KCTD16: variants seen among roughly 807,000 people sequenced by gnomAD.
The protein encoded by KCTD16 is potassium channel tetramerization domain containing 16.
Under a neutral mutation model 33.2 loss-of-function variants are expected in KCTD16, and 13 were observed. The ratio of observed to expected loss-of-function variants is 0.39; its 90% CI spans 0.25 to 0.62. The LOEUF (loss-of-function observed/expected upper bound fraction) is 0.62, where lower values mean the gene tolerates loss of function less well. KCTD16 is among the 20% of genes least tolerant of loss of function. The pLI, the probability that KCTD16 is intolerant of heterozygous loss-of-function variation, is 0.50. For missense variants in KCTD16, 441 were observed against 525.1 expected (o/e 0.84, Z 1.57); for synonymous variants, 197 against 195.3 (o/e 1.01, Z -0.07).
At chr5:144,465,743 G>C (rs565536299) in intron 3 of KCTD16, among the ~76,000 whole-genome samples, 1 of 149,466 alleles carries the variant, frequency 6.7e-6, no homozygotes, top group Non-Finnish European at 1.5e-5. Flanking sequence ...AAATTCACAG[G>C]GTTCTGTAGC....
At chr5:144,205,388 A>G in intron 2 of KCTD16, 1 of 397,320 alleles carries the variant, frequency 2.5e-6, no homozygotes, top group East Asian at 3.6e-5. Flanking sequence ...CTGAAACAAC[A>G]GCATCCGAAC....
chr5:144,178,925 G>T (rs1032948433), intron 2 of KCTD16, among the ~76,000 whole-genome samples: 1 of 152,114 alleles, frequency 6.6e-6, no homozygotes, highest in Non-Finnish European at 1.5e-5. Context: ...TAGCTCTAAA[G>T]TTAACAAGAA....
chr5:144,411,779 A>C (rs147153167), intron 3 of KCTD16, among the ~76,000 whole-genome samples: 1 of 152,204 alleles, frequency 6.6e-6, no homozygotes, highest in Non-Finnish European at 1.5e-5. Context: ...ATTTGCAACT[A>C]TCCATCTGAC....
chr5:144,418,205 G>A (rs1405439263), intron 3 of KCTD16, among the ~76,000 whole-genome samples: 4 of 152,170 alleles, frequency 2.6e-5, no homozygotes, highest in Admixed American at 2.0e-4. Context: ...CAGACCCAAA[G>A]CATGAGCAGC....
intron 3 of KCTD16, among the ~76,000 whole-genome samples, chr5:144,215,828 T>C (rs188165678): frequency 1.3e-5 from 2 of 152,302 alleles, no homozygotes; most frequent in East Asian, 3.9e-4. Flanking sequence ...TTTTGAAAAC[T>C]TTTCCCAGTT....
At chr5:144,267,677 C>A (rs190930685) in intron 3 of KCTD16, among the ~76,000 whole-genome samples, 3 of 152,218 alleles carry the variant, frequency 2.0e-5, no homozygotes, top group Admixed American at 2.0e-4. Context: ...CAGAGGATCT[C>A]CTTGATCAAT....
intron 3 of KCTD16, among the ~76,000 whole-genome samples, chr5:144,403,834 C>G (rs1472223106): frequency 6.6e-6 from 1 of 152,174 alleles, no homozygotes; most frequent in South Asian, 2.1e-4. Flanking sequence ...TAAGTAGTAA[C>G]AAAGCATAAG....
chr5:144,220,310 C>T (rs1753702747), intron 3 of KCTD16, among the ~76,000 whole-genome samples: 1 of 152,198 alleles, frequency 6.6e-6, no homozygotes, highest in Admixed American at 6.5e-5. Context: ...TTGTTTCCAT[C>T]CTCGTACTGT....
intron 3 of KCTD16, among the ~76,000 whole-genome samples, chr5:144,450,345 G>A (rs1753913351): frequency 6.6e-6 from 1 of 151,998 alleles, no homozygotes; most frequent in Admixed American, 6.6e-5. Context: ...TTACACTGTT[G>A]GTGAAAGTGT....
chr5:144,408,169 G>T (rs180730965), intron 3 of KCTD16, among the ~76,000 whole-genome samples: 1 of 152,178 alleles, frequency 6.6e-6, no homozygotes, highest in Non-Finnish European at 1.5e-5. Flanking sequence ...TTTAAGAGAC[G>T]TTATTAAGAT....
At chr5:144,248,590 G>A (rs922755987) in intron 3 of KCTD16, among the ~76,000 whole-genome samples, 1 of 152,156 alleles carries the variant, frequency 6.6e-6, no homozygotes, top group African/African-American at 2.4e-5. Context: ...ATAGACTGTC[G>A]AGAGATGTGG....
At chr5:144,275,831 G>A (rs1232219966) in intron 3 of KCTD16, among the ~76,000 whole-genome samples, 1 of 152,094 alleles carries the variant, frequency 6.6e-6, no homozygotes, top group East Asian at 1.9e-4. Context: ...GCTTTCTTAA[G>A]AACAATGTGA....
At position 144,314,714 on chromosome 5, in the gene KCTD16, T is replaced by C. The variant is rs575623541; in HGVS notation, c.832+107168T>C. On this transcript the variant is annotated intron_variant, in intron 3 of 3. Coordinates refer to ENST00000512467, the MANE Select transcript of KCTD16 (RefSeq NM_020768.4). ...TAGGGACTTCATTATTTTATTTGAA[T>C]ACACAAAGCTTTATTATTATACTTA... Among the ~76,000 whole-genome samples the C allele has an allele frequency of 2.6e-5, 4 of 152,198 alleles. No homozygotes were observed. In the South Asian group the frequency reaches 8.3e-4, roughly 32 times the overall value.
chr5:144,359,063 G>A (rs1220924650), intron 3 of KCTD16, among the ~76,000 whole-genome samples: 2 of 152,308 alleles, frequency 1.3e-5, no homozygotes, highest in Admixed American at 1.3e-4. Context: ...GGCTCAGAAG[G>A]TTCAGAAAGT....
chr5:144,390,589 G>A (rs1171150050), intron 3 of KCTD16, among the ~76,000 whole-genome samples: 1 of 151,728 alleles, frequency 6.6e-6, no homozygotes, highest in Non-Finnish European at 1.5e-5. Flanking sequence ...CAGGTTTGTT[G>A]CGTAGGTATA....
intron 3 of KCTD16, among the ~76,000 whole-genome samples, chr5:144,277,485 A>G (rs1429626992): frequency 1.3e-5 from 2 of 152,260 alleles, no homozygotes; most frequent in Non-Finnish European, 2.9e-5. Context: ...AAAAGAACTC[A>G]GACCATCTAA....
chr5:144,347,298 A>C (rs1030516134), intron 3 of KCTD16, among the ~76,000 whole-genome samples: 3 of 152,208 alleles, frequency 2.0e-5, no homozygotes, highest in Non-Finnish European at 4.4e-5. Flanking sequence ...ACTTTAAAGA[A>C]GTAAATGCAA....
rs1390207321 is a variant in KCTD16 at position 144,174,412 on chromosome 5, C to G, written c.-387C>G. On this transcript the variant is annotated 5_prime_UTR_variant, in exon 2 of 4. Coordinates refer to ENST00000512467, the MANE Select transcript of KCTD16 (RefSeq NM_020768.4). ...AGCATCACATGAAGTGGAGATCTGG[C>G]AGCTCTGTGTATTTCAGTCAAGTTC... 1 of 151,966 alleles carries G rather than the reference C, an allele frequency of 6.6e-6. No individual in the cohort carries two copies. Among genetic ancestry groups the G allele is most frequent in the African/African-American group, 2.4e-5 (1 of 41,350 alleles). The allele number at this position is 151,966 out of a possible 1,614,324, so 9.4% of individuals were successfully genotyped here. A position where few individuals can be genotyped will look rare whatever the true frequency, so the allele number is the denominator to read the frequency against.
At chr5:144,464,249 T>C (rs938443042) in intron 3 of KCTD16, among the ~76,000 whole-genome samples, 1 of 152,232 alleles carries the variant, frequency 6.6e-6, no homozygotes, top group African/African-American at 2.4e-5. Context: ...TGAAGTTGGA[T>C]CTACCAAATT....
Sources: gnomAD v4.1 joint callset for allele counts (sites outside exome capture counted in the v4.1 genomes callset) on GRCh38, gnomAD v4.1.1 for gene constraint, MANE v1.5 for transcripts, NCBI Gene and HGNC (gene_info 2026-07-23, HGNC 2026-07-21) for gene names.